The following GAS7 variants were observed in gnomAD, a reference collection of about 807,000 sequenced individuals.
The protein encoded by GAS7 is growth arrest-specific protein 7.
Under a neutral mutation model 71.1 loss-of-function variants are expected in GAS7, and 28 were observed. The observed-to-expected ratio is 0.39, with a 90% CI of 0.29 to 0.54. The LOEUF (loss-of-function observed/expected upper bound fraction) is 0.54, where lower values mean the gene tolerates loss of function less well. Among genes scored for constraint, GAS7 ranks in the 20% least tolerant of loss-of-function variants. The probability of loss-of-function intolerance (pLI) is 0.62; values close to 1 mark genes in which losing one functional copy is unlikely to be tolerated. For missense variants in GAS7, 436 were observed against 627.8 expected, an observed-to-expected ratio of 0.69 and a Z score of 3.27; for synonymous variants, 258 against 245.8, an observed-to-expected ratio of 1.05 and a Z score of -0.46.
At chr17:10,147,280 T>C (rs1010112341) in intron 1 of GAS7, among the ~76,000 whole-genome samples, 5 of 152,192 alleles carry the variant, frequency 3.3e-5, no homozygotes, top group African/African-American at 9.7e-5. Context: ...AATAAACAAA[T>C]AGGTGTTTTC....
At chr17:10,185,316 C>T (rs757800356) in intron 1 of GAS7, among the ~76,000 whole-genome samples, 2 of 152,178 alleles carry the variant, frequency 1.3e-5, no homozygotes, top group Non-Finnish European at 2.9e-5. Flanking sequence ...GGAAGCTGCA[C>T]ACCCCTACCC....
intron 1 of GAS7, among the ~76,000 whole-genome samples, chr17:10,073,150 A>T (rs1311155298): frequency 6.6e-6 from 1 of 152,236 alleles, no homozygotes; most frequent in East Asian, 1.9e-4. Flanking sequence ...GTGACAAGTG[A>T]CATGTGAATC....
intron 1 of GAS7, among the ~76,000 whole-genome samples, chr17:10,133,189 C>T (rs1416067368): frequency 6.6e-6 from 1 of 150,658 alleles, no homozygotes; most frequent in Non-Finnish European, 1.5e-5. Flanking sequence ...TGCAGTGGCA[C>T]TCAGCTCACT....
intron 1 of GAS7, among the ~76,000 whole-genome samples, chr17:10,040,282 G>A (rs2072838291): frequency 6.6e-6 from 1 of 152,224 alleles, no homozygotes; most frequent in Admixed American, 6.5e-5. Flanking sequence ...GAGAAACCGT[G>A]TGGGTAGAGG....
At chr17:10,129,737 G>A (rs1476666061) in intron 1 of GAS7, among the ~76,000 whole-genome samples, 1 of 152,140 alleles carries the variant, frequency 6.6e-6, no homozygotes, top group East Asian at 1.9e-4. Context: ...CAGAATGGGA[G>A]AAAAATTTTG....
In GAS7 at chr17:9,980,011, C is replaced by T. The variant is rs571951591; in HGVS notation, c.385+1793G>A. On this transcript the variant is annotated intron_variant, in intron 3 of 13. Coordinates refer to ENST00000432992, the MANE Select transcript of GAS7 (RefSeq NM_201433.2). Reference sequence around the variant, plus strand: ...GCACTCACTGTCTCCCTAGGAAATCCGTCACAGCTGCCCCATGTCCCTCCC... The same window carrying T: ...GCACTCACTGTCTCCCTAGGAAATCTGTCACAGCTGCCCCATGTCCCTCCC... 2.0e-4 allele frequency among the ~76,000 whole-genome samples: 31 copies of T among 152,108 alleles called. No homozygotes were observed. In the South Asian group the frequency reaches 5.8e-3, roughly 29 times the overall value.
chr17:10,150,415 T>TAC lies in GAS7; in HGVS notation c.183+47791_183+47792dup, dbSNP rs3051267. The stretch of plus-strand genomic sequence containing the variant: ...TCTTTCTTTCTCTCAACTGGTTAAG[T>TAC]ACACACACACACACACACACACACA... On this transcript the variant is annotated intron_variant, in intron 1 of 13. Coordinates refer to ENST00000432992, the MANE Select transcript of GAS7 (RefSeq NM_201433.2). 8.2e-3 allele frequency among the ~76,000 whole-genome samples: 1,197 copies of TAC among 145,888 alleles called. 9 individuals are homozygous for TAC. Among genetic ancestry groups the TAC allele is most frequent in the East Asian group, 0.025 (121 of 4,934 alleles).
chr17:10,185,463 A>G (rs1194277855), intron 1 of GAS7, among the ~76,000 whole-genome samples: 1 of 152,210 alleles, frequency 6.6e-6, no homozygotes, highest in Admixed American at 6.5e-5. Context: ...CCCTCAGAGC[A>G]ATCCTGGGAA....
intron 10 of GAS7, 61 bp from the exon 11 acceptor site, chr17:9,925,660 C>G: frequency 6.3e-7 from 1 of 1,591,524 alleles, no homozygotes. Context: ...GCCTCCTGGG[C>G]CACGCAGCCC....
Position 9,987,392 on chromosome 17 carries a change from A to G in GAS7, c.305-5508T>C, listed in dbSNP as rs546070039. On this transcript the variant is annotated intron_variant, in intron 2 of 13. Coordinates refer to ENST00000432992, the MANE Select transcript of GAS7 (RefSeq NM_201433.2). ...GAGAGCCATATACTGGCCATGGATG[A>G]AACCAGTCTAAGGGAGGTACTATTT... Among the ~76,000 whole-genome samples the G allele has an allele frequency of 6.6e-5, 10 of 152,376 alleles. No homozygotes were observed. In the South Asian group the frequency reaches 1.4e-3, roughly 22 times the overall value.
Position 9,926,814 on chromosome 17 carries a change from C to G in GAS7, c.886-45G>C, listed in dbSNP as rs989005919. ...GCACACTCAGGACCCAGGGCATCAG[C>G]TGTAAGCCAGTGCAGGGAGGAGGGA... On this transcript the variant is annotated intron_variant, in intron 9 of 13. Coordinates refer to ENST00000432992, the MANE Select transcript of GAS7 (RefSeq NM_201433.2). The surrounding 1 kb of genome is among the most constrained non-coding windows in gnomAD (Gnocchi z 5.0). 1 of 1,611,502 alleles carries G rather than the reference C, an allele frequency of 6.2e-7. No individual in the cohort carries two copies. Among genetic ancestry groups the G allele is most frequent in the Non-Finnish European group, 8.5e-7 (1 of 1,177,822 alleles).
chr17:9,984,808 AACAG>A lies in GAS7; in HGVS notation c.305-2928_305-2925del, dbSNP rs372038218. ...TATGTGCTTTCTCAGCACTAAATAA[AACAG>A]ACAGACAAGCCCGGTGGAGCTTCGA... On this transcript the variant is annotated intron_variant, in intron 2 of 13. Coordinates refer to ENST00000432992, the MANE Select transcript of GAS7 (RefSeq NM_201433.2). 5.9e-4 allele frequency among the ~76,000 whole-genome samples: 90 copies of A among 152,346 alleles called. No homozygotes were observed. The East Asian group carries it at 0.013, about 22-fold the overall frequency.
chr17:9,962,744 A>G (rs2069548300), intron 4 of GAS7, among the ~76,000 whole-genome samples: 1 of 152,232 alleles, frequency 6.6e-6, no homozygotes, highest in African/African-American at 2.4e-5. Context: ...AGGGTCTTAC[A>G]CTGGCACCTC....
At chr17:9,949,901 C>T (rs2068940035) in intron 5 of GAS7, among the ~76,000 whole-genome samples, 1 of 137,968 alleles carries the variant, frequency 7.2e-6, no homozygotes, top group Admixed American at 7.8e-5. Flanking sequence ...CTTGCTCTGT[C>T]ACCAGGCTGG....
At chr17:10,156,939 CA>C (rs2074210086) in intron 1 of GAS7, among the ~76,000 whole-genome samples, 1 of 152,146 alleles carries the variant, frequency 6.6e-6, no homozygotes, top group Non-Finnish European at 1.5e-5. Flanking sequence ...CAGACACAGC[CA>C]CTGAGGACAA....
chr17:10,110,364 A>T (rs574031168), intron 1 of GAS7, among the ~76,000 whole-genome samples: 2 of 152,334 alleles, frequency 1.3e-5, no homozygotes, highest in East Asian at 3.9e-4. Context: ...TGGAGATGAG[A>T]GTAGATAGTT....
intron 1 of GAS7, among the ~76,000 whole-genome samples, chr17:10,135,429 T>C (rs977216062): frequency 1.3e-5 from 2 of 152,324 alleles, no homozygotes; most frequent in East Asian, 3.9e-4. Context: ...TGCAATGTTG[T>C]CCCTCTGTCC....
At chr17:9,997,082 G>A (rs939495556) in intron 2 of GAS7, among the ~76,000 whole-genome samples, 12 of 152,156 alleles carry the variant, frequency 7.9e-5, no homozygotes, top group South Asian at 2.1e-4. Context: ...CTAGTTTAGC[G>A]TATGGTAAAG....
At chr17:9,932,180 A>C (rs1203778287) in intron 9 of GAS7, among the ~76,000 whole-genome samples, 14 of 148,930 alleles carry the variant, frequency 9.4e-5, no homozygotes, top group Non-Finnish European at 1.8e-4. Context: ...GTGCACTCTG[A>C]AAGGTCCCCC....
Sources: allele counts gnomAD v4.1 joint callset (sites outside exome capture counted in the v4.1 genomes callset), GRCh38; gene constraint gnomAD v4.1.1; non-coding constraint Gnocchi (gnomAD v3.1); transcripts MANE v1.5; gene names NCBI Gene and HGNC (gene_info 2026-07-23, HGNC 2026-07-21).